TRAPPC8: variants seen among roughly 807,000 people sequenced by gnomAD.
The protein encoded by TRAPPC8 is trafficking protein particle complex subunit 8, also known as general sporulation gene 1 homolog.
A neutral mutation model predicts 174.3 loss-of-function variants in TRAPPC8; 54 were observed. The observed-to-expected ratio is 0.31, with a 90% CI of 0.25 to 0.39. TRAPPC8 has a LOEUF of 0.39. TRAPPC8 is among the 10% of genes least tolerant of loss of function. The pLI is 1.00. For missense variants in TRAPPC8, 1,531 were observed against 1,699.1 expected (o/e 0.90, Z 1.74); for synonymous variants, 630 against 579.9 (o/e 1.09, Z -1.24).
intron 24 of TRAPPC8, 79 bp downstream of exon 24, chr18:31,852,367 G>T: frequency 1.3e-6 from 2 of 1,534,904 alleles, no homozygotes; most frequent in Non-Finnish European, 1.8e-6. Flanking sequence ...GGGAATTACT[G>T]CGATAAGCCT....
chr18:31,887,047 A>G (rs932173180), intron 12 of TRAPPC8, among the ~76,000 whole-genome samples: 2 of 152,198 alleles, frequency 1.3e-5, no homozygotes, highest in African/African-American at 2.4e-5. Context: ...GCATTACTCT[A>G]TAACTTCTTC....
At chr18:31,930,161 C>A (rs1247159356) in intron 2 of TRAPPC8, among the ~76,000 whole-genome samples, 3 of 151,562 alleles carry the variant, frequency 2.0e-5, no homozygotes, top group Admixed American at 6.6e-5. Flanking sequence ...GCTCTGTTGC[C>A]CAGGCTGGAG....
chr18:31,868,936 G>GATTTTT (rs2034713757), intron 16 of TRAPPC8, among the ~76,000 whole-genome samples: 1 of 151,674 alleles, frequency 6.6e-6, no homozygotes, highest in Non-Finnish European at 1.5e-5. Context: ...CTTAAAATAA[G>GATTTTT]GCAATCTTGA....
chr18:31,836,264 C>T (rs2032713260), intron 27 of TRAPPC8, among the ~76,000 whole-genome samples: 1 of 152,206 alleles, frequency 6.6e-6, no homozygotes, highest in African/African-American at 2.4e-5. Context: ...AAAACTGCCA[C>T]ATTTTATCCT....
chr18:31,892,168 A>C (rs2035979579), intron 11 of TRAPPC8, among the ~76,000 whole-genome samples: 1 of 152,238 alleles, frequency 6.6e-6, no homozygotes, highest in South Asian at 2.1e-4. Flanking sequence ...TTTGAAGAAA[A>C]AAGTGAACAT....
intron 13 of TRAPPC8, 189 bp from the exon 14 acceptor site, chr18:31,873,727 C>T (rs1033461952): frequency 2.2e-6 from 1 of 461,626 alleles, no homozygotes; most frequent in African/African-American, 2.0e-5. Flanking sequence ...GATATTTATT[C>T]TGCCTCAAAA....
At chr18:31,858,533 G>A (rs748434158) in intron 19 of TRAPPC8, among the ~76,000 whole-genome samples, 13 of 152,100 alleles carry the variant, frequency 8.5e-5, no homozygotes, top group Admixed American at 2.0e-4. Flanking sequence ...TGACCTAATA[G>A]AGGCTTTTTA....
chr18:31,909,439 C>T, intron 6 of TRAPPC8: 3 of 490,464 alleles, frequency 6.1e-6, no homozygotes, highest in Non-Finnish European at 7.9e-6. Flanking sequence ...TTGCTTTCTA[C>T]AAAATATTTT....
At chr18:31,870,563 C>T (rs901399909) in intron 15 of TRAPPC8, 61 bp from the exon 16 acceptor site, 9 of 1,535,618 alleles carry the variant, frequency 5.9e-6, no homozygotes, top group South Asian at 5.0e-5. Context: ...TTCTCAGCTT[C>T]GATCTTCTAA....
intron 2 of TRAPPC8, among the ~76,000 whole-genome samples, chr18:31,922,102 T>C (rs565969759): frequency 2.6e-5 from 4 of 152,298 alleles, no homozygotes; most frequent in South Asian, 4.1e-4. Context: ...GTAAGGTCTA[T>C]GTGTTTGAGG....
intron 26 of TRAPPC8, among the ~76,000 whole-genome samples, chr18:31,840,752 T>C (rs1262284873): frequency 6.6e-6 from 1 of 152,198 alleles, no homozygotes; most frequent in East Asian, 1.9e-4. Flanking sequence ...TCCTGGCCTT[T>C]TTCAGTGTAA....
At chr18:31,911,879 A>T (rs1413555254) in intron 5 of TRAPPC8, among the ~76,000 whole-genome samples, 3 of 150,878 alleles carry the variant, frequency 2.0e-5, no homozygotes, top group Non-Finnish European at 4.5e-5. Flanking sequence ...CTCAAAAAAA[A>T]AAAAAAAAAA....
chr18:31,898,180 ATTT>A (rs1288876660), intron 10 of TRAPPC8, among the ~76,000 whole-genome samples: 4 of 152,008 alleles, frequency 2.6e-5, no homozygotes, highest in African/African-American at 4.8e-5. Context: ...GTTATACTTT[ATTT>A]TTTATTTGTA....
intron 2 of TRAPPC8, among the ~76,000 whole-genome samples, chr18:31,921,739 G>A (rs1446973851): frequency 6.6e-6 from 1 of 151,928 alleles, no homozygotes; most frequent in African/African-American, 2.4e-5. Context: ...CTCACCTTCT[G>A]GAAAACGGAA....
intron 26 of TRAPPC8, among the ~76,000 whole-genome samples, chr18:31,845,462 T>C (rs979261922): frequency 1.3e-5 from 2 of 151,846 alleles, no homozygotes; most frequent in Admixed American, 6.5e-5. Context: ...GATAATGTTG[T>C]AGTTTTTTTT....
intron 1 of TRAPPC8, among the ~76,000 whole-genome samples, chr18:31,935,058 G>C (rs953686399): frequency 3.3e-5 from 5 of 151,608 alleles, no homozygotes; most frequent in Admixed American, 2.0e-4. Context: ...AAAGAAAACA[G>C]GCTAGGCCGG....
At chr18:31,911,304 G>A (rs1598726147) in intron 5 of TRAPPC8, among the ~76,000 whole-genome samples, 2 of 152,052 alleles carry the variant, frequency 1.3e-5, no homozygotes, top group Admixed American at 1.3e-4. Flanking sequence ...ATCACTTGAG[G>A]TCAGGAGTTC....
chr18:31,889,490 C>A (rs1416751918), intron 12 of TRAPPC8, among the ~76,000 whole-genome samples: 1 of 152,166 alleles, frequency 6.6e-6, no homozygotes, highest in Non-Finnish European at 1.5e-5. Context: ...GCAAAGGAAA[C>A]CTCCTGCTTA....
In TRAPPC8 at chr18:31,836,847, C is replaced by T. The variant is rs374437486; in HGVS notation, c.3983+2465G>A. Among the ~76,000 whole-genome samples, 470 of 151,070 alleles carry T rather than the reference C, an allele frequency of 3.1e-3. 2 individuals carry two copies. Among genetic ancestry groups the T allele is most frequent in the African/African-American group, 0.01 (431 of 41,138 alleles). ...CACGATCTCGGCTCACTGCAAGCTC[C>T]GCCTCCTGGGTTCATGCCATTCTCC... On this transcript the variant is annotated intron_variant, in intron 27 of 28. Transcript: ENST00000283351.
Sources: gnomAD v4.1 joint callset for allele counts (sites outside exome capture counted in the v4.1 genomes callset) on GRCh38, gnomAD v4.1.1 for gene constraint, MANE v1.5 for transcripts, NCBI Gene and HGNC (gene_info 2026-07-23, HGNC 2026-07-21) for gene names.